Variants in GPHN observed in about 807,000 individuals in gnomAD.
The protein encoded by GPHN is gephyrin.
A neutral mutation model predicts 95.5 loss-of-function variants in GPHN; 17 were observed. The ratio of observed to expected loss-of-function variants is 0.18; its 90% confidence interval spans 0.12 to 0.27. The LOEUF (loss-of-function observed/expected upper bound fraction) is 0.27. GPHN is among the 10% of genes least tolerant of loss of function. GPHN has a pLI of 1.00. For synonymous variants in GPHN, 320 were observed against 322.5 expected (o/e 0.99, Z 0.08); for missense variants, 660 against 978.1 (o/e 0.67, Z 4.34).
At chr14:67,522,295 G>A in the GPHN span, among the ~76,000 whole-genome samples, 1 of 152,218 alleles carries the variant, frequency 6.6e-6, no homozygotes, top group Non-Finnish European at 1.5e-5. Context: ...TGACTCAGCA[G>A]TCAGCCTAGA....
chr14:67,323,232 C>CATGTGTGTGTGT, the GPHN span, among the ~76,000 whole-genome samples: 569 of 143,572 alleles, frequency 4.0e-3, 5 homozygotes, highest in African/African-American at 0.014. Context: ...CATATATACA[C>CATGTGTGTGTGT]GTGTGTGTGT....
chr14:66,894,555 A>G (rs1414366969), intron 5 of GPHN, among the ~76,000 whole-genome samples: 1 of 152,228 alleles, frequency 6.6e-6, no homozygotes, highest in Non-Finnish European at 1.5e-5. Flanking sequence ...AAAAGAAACT[A>G]CCATCAGAGT....
chr14:66,754,464 G>A (rs2058488804), intron 2 of GPHN, among the ~76,000 whole-genome samples: 1 of 151,960 alleles, frequency 6.6e-6, no homozygotes, highest in South Asian at 2.1e-4. Flanking sequence ...ATAAAACTGT[G>A]AAATGTACTT....
chr14:66,915,068 T>G (rs568385164), intron 5 of GPHN, among the ~76,000 whole-genome samples: 1 of 152,128 alleles, frequency 6.6e-6, no homozygotes, highest in African/African-American at 2.4e-5. Context: ...ATATGGAAAG[T>G]TGTAAATAAA....
At chr14:66,758,116 G>C (rs2058630956) in intron 2 of GPHN, among the ~76,000 whole-genome samples, 4 of 152,196 alleles carry the variant, frequency 2.6e-5, no homozygotes, top group Admixed American at 2.6e-4. Context: ...CGACAGTGTA[G>C]AAAACCAATT....
the GPHN span, among the ~76,000 whole-genome samples, chr14:67,481,619 G>A: frequency 2.0e-5 from 3 of 152,182 alleles, no homozygotes; most frequent in South Asian, 2.1e-4. Context: ...ACTTGGATGC[G>A]TTTTCAGAAC....
At chr14:66,569,136 C>T (rs2060574613) in intron 1 of GPHN, among the ~76,000 whole-genome samples, 1 of 152,120 alleles carries the variant, frequency 6.6e-6, no homozygotes, top group Non-Finnish European at 1.5e-5. Flanking sequence ...TAGTTACAGA[C>T]CTTCACTGAT....
chr14:67,408,516 A>G, the GPHN span, among the ~76,000 whole-genome samples: 5 of 152,258 alleles, frequency 3.3e-5, no homozygotes, highest in African/African-American at 9.6e-5. Context: ...GTCACCCTAG[A>G]CTAGAATGGG....
intron 1 of GPHN, among the ~76,000 whole-genome samples, chr14:66,533,159 GCT>G (rs2059010694): frequency 6.6e-6 from 1 of 152,122 alleles, no homozygotes; most frequent in African/African-American, 2.4e-5. Flanking sequence ...TCTTTATTCA[GCT>G]CTCTGCCTAT....
the GPHN span, among the ~76,000 whole-genome samples, chr14:67,622,126 C>T: frequency 1.3e-5 from 2 of 152,086 alleles, no homozygotes; most frequent in African/African-American, 2.4e-5. Flanking sequence ...CAGGAAGGTT[C>T]TTCTTTATAT....
intron 1 of GPHN, among the ~76,000 whole-genome samples, chr14:66,629,084 T>C (rs1176306084): frequency 4.3e-5 from 5 of 115,702 alleles, no homozygotes; most frequent in Admixed American, 9.6e-5. Context: ...AAAATACATA[T>C]ATATATATAT....
chr14:67,622,214 T>C, the GPHN span, among the ~76,000 whole-genome samples: 1 of 152,232 alleles, frequency 6.6e-6, no homozygotes. Context: ...TCTTTTCTGG[T>C]GACATAAGTG....
At chr14:67,449,701 G>A in the GPHN span, among the ~76,000 whole-genome samples, 2 of 152,316 alleles carry the variant, frequency 1.3e-5, no homozygotes, top group South Asian at 4.1e-4. Flanking sequence ...CCCATGTATT[G>A]TGGGAGGAAC....
the GPHN span, among the ~76,000 whole-genome samples, chr14:67,694,781 G>C: frequency 2.6e-5 from 4 of 152,146 alleles, no homozygotes; most frequent in Non-Finnish European, 4.4e-5. Flanking sequence ...AGGTGACTGT[G>C]GTAAGAAATG....
In GPHN at chr14:67,143,444, G is replaced by A. The variant is rs1060499577; in HGVS notation, c.1831G>A (p.Glu611Lys). ...IITSGGVSMG[E>K]KDYLKQVLDI... ...CACATCAGGGGGTGTATCCATGGGGGAAAAGGTATGAAAGATAGGGCTCGT... is the reference window on the plus strand; with the variant it reads ...CACATCAGGGGGTGTATCCATGGGGAAAAAGGTATGAAAGATAGGGCTCGT... Residue 611 changes from glutamate (E) to lysine (K), a missense_variant, in exon 18 of 23, where the codon GAA becomes AAA. Glu to Lys is a moderately conservative substitution (Grantham distance 56). Coordinates refer to ENST00000478722, the MANE Select transcript of GPHN (RefSeq NM_020806.5). 3.2e-6 allele frequency: 5 copies of A among 1,564,236 alleles called. No individual in the cohort carries two copies. Among genetic ancestry groups the A allele is most frequent in the Admixed American group, 3.3e-5 (2 of 59,964 alleles).
the GPHN span, among the ~76,000 whole-genome samples, chr14:67,294,184 T>C: frequency 6.6e-6 from 1 of 152,196 alleles, no homozygotes. Context: ...AAAGGAGATT[T>C]TCTGAAAGTT....
chr14:67,276,789 T>G, the GPHN span, among the ~76,000 whole-genome samples: 1 of 152,196 alleles, frequency 6.6e-6, no homozygotes, highest in African/African-American at 2.4e-5. Flanking sequence ...AGTATGATAG[T>G]AAATAGTACA....
chr14:66,681,006 A>T, intron 1 of GPHN, 101 bp from the exon 2 acceptor site: 1 of 711,650 alleles, frequency 1.4e-6, no homozygotes. Context: ...AATGAAAAAA[A>T]AAAAGCTATT....
At chr14:66,924,122 T>C in intron 7 of GPHN, 72 bp from the exon 8 acceptor site, 1 of 846,472 alleles carries the variant, frequency 1.2e-6, no homozygotes, top group South Asian at 1.4e-5. Flanking sequence ...TTTTTCCTTT[T>C]TAGTCATTTT....
Sources: gnomAD v4.1 joint callset for allele counts (sites outside exome capture counted in the v4.1 genomes callset) on GRCh38, gnomAD v4.1.1 for gene constraint, MANE v1.5 for transcripts, NCBI Gene and HGNC (gene_info 2026-07-23, HGNC 2026-07-21) for gene names.